Variants in ST6GALNAC5 observed in about 807,000 individuals in gnomAD.
The protein encoded by ST6GALNAC5 is alpha-N-acetylgalactosaminide alpha-2,6-sialyltransferase 5.
A neutral mutation model predicts 33.6 loss-of-function variants in ST6GALNAC5; 27 were observed. The observed-to-expected ratio is 0.80, with a 90% CI of 0.59 to 1.11. The LOEUF is 1.11. Among genes scored for constraint, ST6GALNAC5 ranks in the 50% least tolerant of loss-of-function variants. The pLI is 0.00. For missense variants in ST6GALNAC5, 428 were observed against 454.0 expected (o/e 0.94, Z 0.52); for synonymous variants, 194 against 171.2 (o/e 1.13, Z -1.04).
chr1:76,991,661 T>C (rs1649734688), intron 2 of ST6GALNAC5, among the ~76,000 whole-genome samples: 1 of 152,188 alleles, frequency 6.6e-6, no homozygotes, highest in African/African-American at 2.4e-5. Context: ...ACATCTTCTC[T>C]AGTGAGATTT....
intron 2 of ST6GALNAC5, among the ~76,000 whole-genome samples, chr1:76,965,639 T>C (rs948243792): frequency 5.3e-5 from 8 of 152,234 alleles, no homozygotes; most frequent in African/African-American, 1.4e-4. Context: ...AGTTTGGCTT[T>C]TGTTGCCATT....
chr1:76,869,657 A>T (rs111342739), intron 2 of ST6GALNAC5, among the ~76,000 whole-genome samples: 2 of 152,206 alleles, frequency 1.3e-5, no homozygotes, highest in Admixed American at 1.3e-4. Flanking sequence ...GAAGTAATAT[A>T]TAGTAGATGC....
chr1:76,942,722 C>A (rs1647380689), intron 2 of ST6GALNAC5, among the ~76,000 whole-genome samples: 1 of 152,058 alleles, frequency 6.6e-6, no homozygotes, highest in Non-Finnish European at 1.5e-5. Context: ...TTAGATAAAC[C>A]AGACTCCAAA....
rs184458409 is a variant in ST6GALNAC5, at chr1:76,998,077, G to A, written c.262-46127G>A. 2.1e-3 allele frequency among the ~76,000 whole-genome samples: 321 copies of A among 152,220 alleles called. 7 individuals are homozygous for A. Among genetic ancestry groups the A allele is most frequent in the African/African-American group, 7.3e-3 (305 of 41,540 alleles). ...TTTCTGCCATGATTGTCAGTTTCCT[G>A]AGGCCTTCACAGCTATGCGGAACTA... On this transcript the variant is annotated intron_variant, in intron 2 of 4. Transcript: ENST00000477717.
In ST6GALNAC5 at chr1:77,050,325, A is replaced by G. The variant is rs764580216; in HGVS notation, c.739A>G (p.Arg247Gly). The change falls in exon 4 of 5, where the codon AGG becomes GGG. Residue 247 changes from arginine to glycine, a missense_variant. Transcript: ENST00000477717. ...GACAATTGCACTGGAGCTCTGTGACAGGATCAATGTTTATGGCATGGTGCC... is the reference window on the plus strand; with the variant it reads ...GACAATTGCACTGGAGCTCTGTGACGGGATCAATGTTTATGGCATGGTGCC... ...TMTIALELCDRINVYGMVPPD... is the reference protein window; with the variant it reads ...TMTIALELCDGINVYGMVPPD... 1 of 1,614,014 alleles carries G rather than the reference A, an allele frequency of 6.2e-7. No individual in the cohort carries two copies. Among genetic ancestry groups the G allele is most frequent in the Non-Finnish European group, 8.5e-7 (1 of 1,179,960 alleles).
chr1:76,975,210 G>C (rs547798619), intron 2 of ST6GALNAC5, among the ~76,000 whole-genome samples: 23 of 152,148 alleles, frequency 1.5e-4, no homozygotes, highest in Non-Finnish European at 2.9e-4. Context: ...CACTAGCTTT[G>C]GGATAGAAGT....
rs767496658 is a variant in ST6GALNAC5 at position 77,063,060 on chromosome 1, G to A, written c.865G>A (p.Gly289Arg). ...ECTMYLSHER[G>R]RKGSHHRFIT... ...TACAATGTACCTCTCCCATGAGCGA[G>A]GACGCAAGGGCAGTCATCACCGCTT... Residue 289 changes from glycine (G) to arginine (R), a missense_variant, in exon 5 of 5, where the codon GGA (glycine) becomes AGA (arginine). Physicochemically the swap from Gly to Arg is moderately radical, Grantham distance 125. Coordinates refer to ENST00000477717, the MANE Select transcript of ST6GALNAC5 (RefSeq NM_030965.3). 1.2e-6 allele frequency: 2 copies of A among 1,613,908 alleles called. No individual in the cohort carries two copies. Among genetic ancestry groups the A allele is most frequent in the South Asian group, 1.1e-5 (1 of 91,050 alleles).
At chr1:76,981,955 A>G (rs1649272691) in intron 2 of ST6GALNAC5, among the ~76,000 whole-genome samples, 1 of 152,216 alleles carries the variant, frequency 6.6e-6, no homozygotes, top group Non-Finnish European at 1.5e-5. Flanking sequence ...AGCAGAAAGG[A>G]ATAGCATCAA....
At chr1:76,870,957 A>C (rs1162849166) in intron 2 of ST6GALNAC5, among the ~76,000 whole-genome samples, 1 of 152,248 alleles carries the variant, frequency 6.6e-6, no homozygotes, top group Non-Finnish European at 1.5e-5. Flanking sequence ...ACTTCTCAGA[A>C]TGCCTTAACT....
At chr1:76,899,877 C>A (rs113214796) in intron 2 of ST6GALNAC5, among the ~76,000 whole-genome samples, 7 of 152,086 alleles carry the variant, frequency 4.6e-5, no homozygotes, top group African/African-American at 1.7e-4. Flanking sequence ...GTCGGAGGAC[C>A]AGAGGTTGTA....
chr1:76,968,969 C>T (rs911851294), intron 2 of ST6GALNAC5, among the ~76,000 whole-genome samples: 1 of 152,314 alleles, frequency 6.6e-6, no homozygotes, highest in South Asian at 2.1e-4. Flanking sequence ...TGATGGTCTT[C>T]CCTTTGTGCG....
intron 2 of ST6GALNAC5, among the ~76,000 whole-genome samples, chr1:76,941,560 T>C (rs1178470014): frequency 6.6e-6 from 1 of 152,066 alleles, no homozygotes; most frequent in Non-Finnish European, 1.5e-5. Context: ...TTAAGGCTCT[T>C]CAAATGAGAT....
intron 2 of ST6GALNAC5, among the ~76,000 whole-genome samples, chr1:76,953,916 A>C (rs1362821699): frequency 6.6e-6 from 1 of 152,114 alleles, no homozygotes; most frequent in East Asian, 1.9e-4. Flanking sequence ...TCCCTTCTCC[A>C]ATGAAATTTT....
At chr1:76,963,968 C>T (rs1286952879) in intron 2 of ST6GALNAC5, among the ~76,000 whole-genome samples, 1 of 151,960 alleles carries the variant, frequency 6.6e-6, no homozygotes, top group Non-Finnish European at 1.5e-5. Flanking sequence ...AAGAGAAATG[C>T]AATGTTTTTG....
At chr1:76,991,864 C>G (rs1411771607) in intron 2 of ST6GALNAC5, among the ~76,000 whole-genome samples, 2 of 151,690 alleles carry the variant, frequency 1.3e-5, no homozygotes, top group African/African-American at 4.9e-5. Flanking sequence ...CACACACACA[C>G]AGACACCCTG....
At chr1:77,061,065 C>G (rs1244002345) in intron 4 of ST6GALNAC5, among the ~76,000 whole-genome samples, 1 of 152,060 alleles carries the variant, frequency 6.6e-6, no homozygotes, top group African/African-American at 2.4e-5. Context: ...GTTAAAAACA[C>G]CTTCTATTAA....
At chr1:76,919,084 A>G (rs883595) in intron 2 of ST6GALNAC5, among the ~76,000 whole-genome samples, 19,664 of 152,098 alleles carry the variant, frequency 0.13, 1,388 homozygotes, top group South Asian at 0.25. Context: ...GAACTGGATA[A>G]CTGCCTCTGA....
In ST6GALNAC5 at chr1:77,067,434, G is replaced by C. The variant is rs1200128539; in HGVS notation, c.*4228G>C. 2.0e-5 allele frequency among the ~76,000 whole-genome samples: 3 copies of C among 152,126 alleles called. No individual in the cohort carries two copies. The highest frequency in any genetic ancestry group is 4.4e-5 in the Non-Finnish European group (3 of 68,018). On this transcript the variant is annotated 3_prime_UTR_variant, in exon 5 of 5. Transcript: ENST00000477717. The stretch of plus-strand genomic sequence containing the variant: ...TCCTGTTAGTCTAATTAGATTGTAA[G>C]CTCCTTGAGGGCAGAGACTCTTTCT...
At chr1:76,956,228 T>A (rs1647968830) in intron 2 of ST6GALNAC5, among the ~76,000 whole-genome samples, 1 of 151,926 alleles carries the variant, frequency 6.6e-6, no homozygotes, top group African/African-American at 2.4e-5. Context: ...TCTACAGCAC[T>A]TTAAGACCAA....
Sources: gnomAD v4.1 joint callset for allele counts (sites outside exome capture counted in the v4.1 genomes callset) on GRCh38, gnomAD v4.1.1 for gene constraint, MANE v1.5 for transcripts, NCBI Gene and HGNC (gene_info 2026-07-23, HGNC 2026-07-21) for gene names.